The following MREG variants were observed in gnomAD, a reference collection of about 807,000 sequenced individuals.
MREG encodes dilute suppressor protein homolog.
MREG carries 31 observed loss-of-function variants against 28.5 expected under a neutral mutation model. That is an observed-to-expected ratio of 1.09 (90% confidence interval 0.82 to 1.47). MREG has a LOEUF of 1.47. Among genes scored for constraint, MREG ranks in the 40% most tolerant of loss-of-function variants. The pLI is 0.00. For synonymous variants in MREG, 106 were observed against 95.2 expected (o/e 1.11, Z -0.66); for missense variants, 256 against 257.4 (o/e 0.99, Z 0.04).
chr2:215,973,636 C>A (rs1352748073), intron 2 of MREG, among the ~76,000 whole-genome samples: 2 of 152,196 alleles, frequency 1.3e-5, no homozygotes, highest in Non-Finnish European at 2.9e-5. Flanking sequence ...TTTATCTCTA[C>A]CACTTCAACC....
chr2:215,963,793 C>T (rs562019081), intron 2 of MREG, among the ~76,000 whole-genome samples: 47 of 152,130 alleles, frequency 3.1e-4, no homozygotes, highest in African/African-American at 1.1e-3. Context: ...TTATTTGAAG[C>T]GTGTCTTTCA....
chr2:215,978,034 A>G, intron 2 of MREG, among the ~76,000 whole-genome samples: 1 of 152,194 alleles, frequency 6.6e-6, no homozygotes, highest in East Asian at 1.9e-4. Context: ...TTAAAATCAG[A>G]GCAGAATTGA....
Position 215,977,396 on chromosome 2 carries a change from T to C in MREG, c.255+18910A>G, listed in dbSNP as rs1693291196. Among the ~76,000 whole-genome samples, 3 of 152,188 alleles carry C rather than the reference T, an allele frequency of 2.0e-5. No individual in the cohort carries two copies. The East Asian group carries it at 5.8e-4, about 29-fold the overall frequency. ...TTCATAAAGCAAGTCCTTAGAGACC[T>C]ACAAAGAGACTTAGACTCCCACACA... On this transcript the variant is annotated intron_variant, in intron 2 of 4. Transcript: ENST00000263268.
intron 1 of MREG, among the ~76,000 whole-genome samples, chr2:216,031,670 AG>A (rs1222809105): frequency 2.5e-4 from 20 of 80,370 alleles, no homozygotes; most frequent in African/African-American, 9.8e-4. Context: ...AAAGAAAGAA[AG>A]AAAGAAAGAA....
chr2:216,025,729 G>A (rs539141299), intron 1 of MREG, among the ~76,000 whole-genome samples: 2 of 152,300 alleles, frequency 1.3e-5, no homozygotes, highest in South Asian at 4.1e-4. Context: ...GGGCCGTGTC[G>A]GGCAACACTT....
rs1553558903 is a variant in MREG, at chr2:216,031,685, A to AAGAG, written c.-68+1103_-68+1104insCTCT. Among the ~76,000 whole-genome samples the AAGAG allele has an allele frequency of 4.8e-4, 26 of 54,126 alleles. 1 individual carries two copies. Among genetic ancestry groups the AAGAG allele is most frequent in the South Asian group, 1.4e-3 (3 of 2,096 alleles). The allele number at this position is 54,126 out of a possible 152,430, so 35.5% of individuals were successfully genotyped here. A position where few individuals can be genotyped will look rare whatever the true frequency, so the allele number is the denominator to read the frequency against. On this transcript the variant is annotated intron_variant, in intron 1 of 3. Transcript: ENST00000420348. ...AAAGAAAGAAAGAAAGAAAGAAAGA[A>AAGAG]AGAAAGAGAAAGAAAGAAAGAAAGA...
chr2:215,989,588 A>G (rs954563432), intron 2 of MREG, among the ~76,000 whole-genome samples: 2 of 152,090 alleles, frequency 1.3e-5, no homozygotes, highest in Non-Finnish European at 2.9e-5. Context: ...GGGTAATAAC[A>G]AACTGCTCCG....
At chr2:216,031,409 GAAGAAAGGAAGAAAGAAAGAA>G (rs1177745034) in intron 1 of MREG, among the ~76,000 whole-genome samples, 77 of 111,754 alleles carry the variant, frequency 6.9e-4, no homozygotes, top group East Asian at 3.0e-3. Flanking sequence ...AGGAAGAAAG[GAAGAAAGGAAGAAAGAAAGAA>G]AAGAAAGAAA....
At position 215,954,445 on chromosome 2, in the gene MREG, A is replaced by AACACACACACACACACACAC. The variant is rs3078454; in HGVS notation, c.256-7352_256-7333dup. 3.6e-3 allele frequency among the ~76,000 whole-genome samples: 494 copies of AACACACACACACACACACAC among 136,590 alleles called. 6 individuals are homozygous for AACACACACACACACACACAC. The highest frequency in any genetic ancestry group is 0.031 in the East Asian group (142 of 4,584). The allele number at this position is 136,590 out of a possible 152,430, so 89.6% of individuals were successfully genotyped here. A position where few individuals can be genotyped will look rare whatever the true frequency, so the allele number is the denominator to read the frequency against. ...TCCTTATTGTATTTGATCTGTGTAC[A>AACACACACACACACACACAC]ACACACACACACACACACACACACA... On this transcript the variant is annotated intron_variant, in intron 2 of 4. Transcript: ENST00000263268.
intron 1 of MREG, among the ~76,000 whole-genome samples, chr2:216,011,114 T>C (rs1000637622): frequency 2.5e-5 from 3 of 118,966 alleles, no homozygotes; most frequent in Admixed American, 8.8e-5. Context: ...AAAAAAAAAA[T>C]AGTGGTGATT....
At chr2:215,987,943 A>G (rs955210347) in intron 2 of MREG, among the ~76,000 whole-genome samples, 1 of 152,158 alleles carries the variant, frequency 6.6e-6, no homozygotes, top group Non-Finnish European at 1.5e-5. Flanking sequence ...ATAAAAAAGA[A>G]GAAGGAAGCA....
chr2:215,943,291 C>T lies in MREG; in HGVS notation c.*1572G>A, dbSNP rs1256398329. On this transcript the variant is annotated 3_prime_UTR_variant, in exon 5 of 5. Transcript: ENST00000263268. ...AGTTCCTTGCTTAAGTGGCAAGTAA[C>T]TTTTGAAGCTGGACTTCTCAATCTG... 5.1e-6 allele frequency: 2 copies of T among 392,320 alleles called. No individual in the cohort carries two copies. The highest frequency in any genetic ancestry group is 5.6e-5 in the Admixed American group (2 of 35,678). The allele number at this position is 392,320 out of a possible 1,614,324, so 24.3% of individuals were successfully genotyped here.
upstream of MREG, among the ~76,000 whole-genome samples, chr2:216,017,186 A>C (rs1694461520): frequency 6.6e-6 from 1 of 152,198 alleles, no homozygotes; most frequent in Non-Finnish European, 1.5e-5. Context: ...GTTTATCTAA[A>C]AGGCGTGCAG....
chr2:215,957,439 A>C (rs1692653984), intron 2 of MREG, among the ~76,000 whole-genome samples: 9 of 148,606 alleles, frequency 6.1e-5, no homozygotes, highest in African/African-American at 1.0e-4. Flanking sequence ...CCTCCCCCAC[A>C]CTCTCCTCTC....
Position 216,013,465 on chromosome 2 carries a change from G to A in MREG, c.-138C>T. ...GCCCGGGCGTCGCGGGCTGGTCCGC[G>A]CGCATCACGCCGCGGCCGGGGACGC... On this transcript the variant is annotated 5_prime_UTR_variant, in exon 1 of 5. Transcript: ENST00000263268. The A allele has an allele frequency of 8.6e-6, 3 of 347,860 alleles. No individual in the cohort carries two copies. Among genetic ancestry groups the A allele is most frequent in the Non-Finnish European group, 9.1e-6 (2 of 220,284 alleles). 21.5% of individuals were successfully genotyped at this position (347,860 alleles called of 1,614,324 possible).
In MREG at chr2:216,004,624, A is replaced by C. The variant is rs191062607; in HGVS notation, c.96-8159T>G. ...TGCTCAATAAATATTTGCTGAACCA[A>C]TGCACTCTTGTTTCCCAAGTTCACA... is the stretch of plus-strand genomic sequence containing the variant. On this transcript the variant is annotated intron_variant, in intron 1 of 4. Transcript: ENST00000263268. Among the ~76,000 whole-genome samples the C allele has an allele frequency of 2.1e-4, 32 of 152,282 alleles. 1 individual carries two copies. Among genetic ancestry groups the C allele is most frequent in the Admixed American group, 8.5e-4 (13 of 15,294 alleles).
intron 1 of MREG, among the ~76,000 whole-genome samples, chr2:216,006,685 G>A (rs1373451806): frequency 3.9e-5 from 6 of 152,308 alleles, no homozygotes; most frequent in Non-Finnish European, 7.3e-5. Context: ...AAACGTACTC[G>A]TCAACTTTCT....
At chr2:215,952,031 C>G (rs988810614) in intron 2 of MREG, among the ~76,000 whole-genome samples, 1 of 152,182 alleles carries the variant, frequency 6.6e-6, no homozygotes, top group Non-Finnish European at 1.5e-5. Flanking sequence ...TGTCTCTCTG[C>G]GCTTGGCTTA....
At chr2:216,017,798 C>T (rs1006877730), upstream of MREG, among the ~76,000 whole-genome samples, 2 of 152,042 alleles carry the variant, frequency 1.3e-5, no homozygotes, top group African/African-American at 2.4e-5. Flanking sequence ...AATTTTTTTA[C>T]GACTTCTGGG....
Sources: allele counts gnomAD v4.1 joint callset (sites outside exome capture counted in the v4.1 genomes callset), GRCh38; gene constraint gnomAD v4.1.1; transcripts MANE v1.5; gene names NCBI Gene and HGNC (gene_info 2026-07-23, HGNC 2026-07-21).